The following RNF19B variants were observed in gnomAD, a reference collection of about 807,000 sequenced individuals.
RNF19B encodes E3 ubiquitin-protein ligase RNF19B.
A neutral mutation model predicts 65.5 loss-of-function variants in RNF19B; 23 were observed. That is an observed-to-expected ratio of 0.35 (90% CI 0.25 to 0.50). The LOEUF (loss-of-function observed/expected upper bound fraction) is 0.50. RNF19B is among the 20% of genes least tolerant of loss of function. The pLI is 0.98. For synonymous variants in RNF19B, 372 were observed against 379.6 expected (o/e 0.98, Z 0.23); for missense variants, 794 against 980.0 (o/e 0.81, Z 2.53).
At chr1:32,938,929 C>T (rs1642170670) in intron 7 of RNF19B, among the ~76,000 whole-genome samples, 1 of 152,186 alleles carries the variant, frequency 6.6e-6, no homozygotes, top group African/African-American at 2.4e-5. Context: ...CCTGATCTGC[C>T]AGGAAGCTCT....
Position 32,951,510 on chromosome 1 carries a change from C to T in RNF19B, c.636-1736G>A, listed in dbSNP as rs186735340. On this transcript the variant is annotated intron_variant, in intron 1 of 8. Coordinates refer to ENST00000235150, the MANE Select transcript of RNF19B (RefSeq NM_001300826.2). ...GCAAAGGAGATGCTGGAGCTCCCAC[C>T]GGTGAGGCCAACAAGCAGTCAGGCA... 1.2e-3 allele frequency among the ~76,000 whole-genome samples: 187 copies of T among 152,334 alleles called. 1 individual carries two copies. Among genetic ancestry groups the T allele is most frequent in the East Asian group, 9.3e-3 (48 of 5,188 alleles).
chr1:32,945,636 T>TA lies in RNF19B; in HGVS notation c.1147-9dup. 2 of 1,563,168 alleles carry TA rather than the reference T, an allele frequency of 1.3e-6. No homozygotes were observed. Among genetic ancestry groups the TA allele is most frequent in the African/African-American group, 2.7e-5 (2 of 73,896 alleles). ...CTCATACCTGCTGTGAATCTAAGAA[T>TA]AAAAAAAGAAAATCCAGGTCAGCAG... On this transcript the variant is annotated splice_polypyrimidine_tract_variant and intron_variant, in intron 4 of 8. Coordinates refer to ENST00000235150, the MANE Select transcript of RNF19B (RefSeq NM_001300826.2).
At chr1:32,960,317 G>C (rs1642740125) in intron 1 of RNF19B, among the ~76,000 whole-genome samples, 1 of 152,204 alleles carries the variant, frequency 6.6e-6, no homozygotes, top group African/African-American at 2.4e-5. Flanking sequence ...AAACAAGGCA[G>C]AGGGGAGACC....
chr1:32,938,320 T>C, intron 8 of RNF19B, 77 bp downstream of exon 8: 4 of 1,467,854 alleles, frequency 2.7e-6, no homozygotes, highest in East Asian at 2.3e-5. Context: ...AGCCCTAACA[T>C]GAGGCATTGA....
rs1210768732 is a variant in RNF19B at position 32,964,519 on chromosome 1, G to A, written c.167C>T (p.Pro56Leu). The A allele has an allele frequency of 1.4e-4, 143 of 1,005,532 alleles. No individual in the cohort carries two copies. The highest frequency in any genetic ancestry group is 1.7e-4 in the Non-Finnish European group (140 of 840,466). The allele number at this position is 1,005,532 out of a possible 1,614,324, so 62.3% of individuals were successfully genotyped here. The change falls in exon 1 of 9, where the codon CCG becomes CTG. Residue 56 changes from proline to leucine, a missense_variant. Physicochemically the swap from Pro to Leu is moderately conservative, Grantham distance 98 (BLOSUM62 -3). Coordinates refer to ENST00000235150, the MANE Select transcript of RNF19B (RefSeq NM_001300826.2). The surrounding 1 kb of genome is among the most constrained non-coding windows in gnomAD (Gnocchi z 6.5). ...CGGCGGCTGCGCAGCCGGGGGCGGC[G>A]GCTCGGCCTGCGGCTTGGCCCGGGC... ...RRARAKPQAE[P>L]PPPAAQPPPA...
chr1:32,943,989 T>G, intron 6 of RNF19B, 30 bp downstream of exon 6: 1 of 1,584,980 alleles, frequency 6.3e-7, no homozygotes, highest in Non-Finnish European at 8.6e-7. Context: ...TATCATAAAT[T>G]CAAATGGAAA....
intron 1 of RNF19B, among the ~76,000 whole-genome samples, chr1:32,961,870 C>T (rs1642778052): frequency 6.6e-6 from 1 of 151,988 alleles, no homozygotes; most frequent in Admixed American, 6.6e-5. Flanking sequence ...AAAAAACAAA[C>T]AGGGACCTTT....
intron 1 of RNF19B, among the ~76,000 whole-genome samples, chr1:32,953,776 C>T (rs1158174549): frequency 6.6e-6 from 1 of 151,924 alleles, no homozygotes; most frequent in Non-Finnish European, 1.5e-5. Context: ...CAGAAAAGCA[C>T]TAAGTCAACT....
chr1:32,953,968 G>A (rs2124168277), intron 1 of RNF19B, among the ~76,000 whole-genome samples: 1 of 146,308 alleles, frequency 6.8e-6, no homozygotes, highest in East Asian at 2.0e-4. Context: ...GAGTGCAATG[G>A]CGTGCTCTCG....
At position 32,955,014 on chromosome 1, in the gene RNF19B, T is replaced by C. The variant is rs1421518487; in HGVS notation, c.636-5240A>G. ...CAGGTGTCATTTTCTCTGTAAAATA[T>C]ACTTAACCTCTCTAGGCAGCTCGTT... On this transcript the variant is annotated intron_variant, in intron 1 of 8. Coordinates refer to ENST00000235150, the MANE Select transcript of RNF19B (RefSeq NM_001300826.2). 1.3e-5 allele frequency among the ~76,000 whole-genome samples: 2 copies of C among 152,136 alleles called. 1 individual carries two copies. Among genetic ancestry groups the C allele is most frequent in the Non-Finnish European group, 2.9e-5 (2 of 67,988 alleles).
At chr1:32,962,905 A>C (rs543127850) in intron 1 of RNF19B, among the ~76,000 whole-genome samples, 39 of 152,274 alleles carry the variant, frequency 2.6e-4, no homozygotes, top group African/African-American at 8.2e-4. Flanking sequence ...AAAGGCGGGG[A>C]GGGCGAGGAA....
At chr1:32,959,879 TA>T (rs1185961319) in intron 1 of RNF19B, among the ~76,000 whole-genome samples, 1 of 47,966 alleles carries the variant, frequency 2.1e-5, no homozygotes, top group Non-Finnish European at 4.5e-5. Flanking sequence ...CTACTAAAAA[TA>T]CAAAAAAAAA....
chr1:32,945,106 T>C (rs1642334979), intron 5 of RNF19B, among the ~76,000 whole-genome samples: 1 of 152,180 alleles, frequency 6.6e-6, no homozygotes, highest in African/African-American at 2.4e-5. Flanking sequence ...CCACATTAAA[T>C]GTTAGTTACA....
chr1:32,938,687 T>C (rs535598551), intron 7 of RNF19B, among the ~76,000 whole-genome samples, 159 bp from the exon 8 acceptor site: 45 of 152,324 alleles, frequency 3.0e-4, no homozygotes, highest in Admixed American at 4.6e-4. Flanking sequence ...CCATACATTT[T>C]TTCTCTTAAA....
At chr1:32,932,993 T>A (rs1036150797), downstream of RNF19B, among the ~76,000 whole-genome samples, 5 of 152,298 alleles carry the variant, frequency 3.3e-5, no homozygotes, top group Non-Finnish European at 5.9e-5. Flanking sequence ...TGGAACCTTA[T>A]CAAGGAGGAC....
At chr1:32,958,247 C>T (rs1373182779) in intron 1 of RNF19B, among the ~76,000 whole-genome samples, 2 of 152,194 alleles carry the variant, frequency 1.3e-5, no homozygotes, top group Admixed American at 6.5e-5. Flanking sequence ...ATTTATACTA[C>T]ATATTAGCAT....
intron 2 of RNF19B, among the ~76,000 whole-genome samples, chr1:32,948,694 G>T (rs940854416): frequency 3.9e-5 from 6 of 152,198 alleles, no homozygotes; most frequent in African/African-American, 1.2e-4. Flanking sequence ...TAGGCTGGTA[G>T]ATTTAAAAGA....
intron 6 of RNF19B, among the ~76,000 whole-genome samples, chr1:32,943,388 G>C (rs1642285260): frequency 6.6e-6 from 1 of 151,958 alleles, no homozygotes; most frequent in African/African-American, 2.4e-5. Flanking sequence ...AAGGTGGGCG[G>C]ATCATGGGGT....
At position 32,964,621 on chromosome 1, in the gene RNF19B, G is replaced by C. The variant is rs1425347682; in HGVS notation, c.65C>G (p.Pro22Arg). The change falls in exon 1 of 9, where the codon CCT becomes CGT. Residue 22 changes from proline (P) to arginine (R), a missense_variant. This residue lies in a region of RNF19B where 374 missense variants were observed against 423.8 expected (regional missense o/e 0.88). Coordinates refer to ENST00000235150, the MANE Select transcript of RNF19B (RefSeq NM_001300826.2). The surrounding 1 kb of genome is among the most constrained non-coding windows in gnomAD (Gnocchi z 6.5). ...GCGCCGGCCGCCGCTGCGGCACTTAGGGTCGGGTGCGGCCGCATGTAGCGA... is the reference window on the plus strand; with the variant it reads ...GCGCCGGCCGCCGCTGCGGCACTTACGGTCGGGTGCGGCCGCATGTAGCGA... ...STSLHAAAPD[P>R]KCRSGGRRRR... The C allele has an allele frequency of 6.8e-7, 1 of 1,470,052 alleles. No homozygotes were observed. The highest frequency in any genetic ancestry group is 1.5e-5 in the African/African-American group (1 of 67,780). 91.1% of individuals were successfully genotyped at this position (1,470,052 alleles called of 1,614,324 possible).
Sources: gnomAD v4.1 joint callset for allele counts (sites outside exome capture counted in the v4.1 genomes callset) on GRCh38, gnomAD v4.1.1 for gene constraint, gnomAD v4.1.1 regional missense constraint, Gnocchi (gnomAD v3.1) non-coding constraint, MANE v1.5 for transcripts, NCBI Gene and HGNC (gene_info 2026-07-23, HGNC 2026-07-21) for gene names.